Variants in ATP1B3 observed in about 807,000 individuals in gnomAD.
The protein encoded by ATP1B3 is ATPase Na+/K+ transporting subunit beta 3.
In ATP1B3, 10 loss-of-function variants were observed where a neutral mutation model predicts 30.2. The ratio of observed to expected loss-of-function variants is 0.33; its 90% CI spans 0.20 to 0.56. ATP1B3 has a LOEUF of 0.56. Among genes scored for constraint, ATP1B3 ranks in the 20% least tolerant of loss-of-function variants. The pLI, the probability that ATP1B3 is intolerant of heterozygous loss-of-function variation, is 0.90. For missense variants in ATP1B3, 238 were observed against 336.7 expected (o/e 0.71, Z 2.29); for synonymous variants, 113 against 117.0 (o/e 0.97, Z 0.22).
chr3:141,885,304 C>T (rs1933806417), intron 1 of ATP1B3, among the ~76,000 whole-genome samples: 1 of 152,178 alleles, frequency 6.6e-6, no homozygotes, highest in Non-Finnish European at 1.5e-5. Flanking sequence ...TCAAGACACA[C>T]GTTCAGAGGA....
intron 3 of ATP1B3, among the ~76,000 whole-genome samples, chr3:141,913,142 A>G (rs1934394258): frequency 6.6e-6 from 1 of 151,662 alleles, no homozygotes; most frequent in Non-Finnish European, 1.5e-5. Context: ...CCTTCATTGG[A>G]AGTGCTTCTC....
chr3:141,922,263 C>T (rs549668669), intron 6 of ATP1B3, 200 bp downstream of exon 6: 43 of 413,322 alleles, frequency 1.0e-4, no homozygotes, highest in Middle Eastern at 6.8e-4. Context: ...CAAGCAGATA[C>T]GTTAAAGTTA....
chr3:141,900,040 A>AT (rs971607244), intron 1 of ATP1B3, among the ~76,000 whole-genome samples: 22 of 150,268 alleles, frequency 1.5e-4, no homozygotes, highest in Non-Finnish European at 2.4e-4. Context: ...CAAAAAAAAA[A>AT]TTTTTTTTTT....
intron 5 of ATP1B3, chr3:141,916,524 G>A: frequency 3.9e-6 from 5 of 1,284,094 alleles, no homozygotes; most frequent in Non-Finnish European, 5.1e-6. Flanking sequence ...ACTTTCTTTT[G>A]TTTTCTCTCC....
intron 1 of ATP1B3, among the ~76,000 whole-genome samples, chr3:141,891,753 T>C (rs1933958422): frequency 6.6e-6 from 1 of 152,132 alleles, no homozygotes; most frequent in South Asian, 2.1e-4. Context: ...GGGTTTTACT[T>C]TGAGTTCTGC....
At chr3:141,888,729 T>C (rs1307245796) in intron 1 of ATP1B3, among the ~76,000 whole-genome samples, 1 of 152,136 alleles carries the variant, frequency 6.6e-6, no homozygotes, top group Non-Finnish European at 1.5e-5. Flanking sequence ...AGGTCTTTCT[T>C]GTGCTCTTCT....
Position 141,916,098 on chromosome 3 carries a change from C to T in ATP1B3, c.582+78C>T, listed in dbSNP as rs192303297. 12,349 of 1,306,754 alleles carry T rather than the reference C, an allele frequency of 9.5e-3. 76 individuals carry two copies. Among genetic ancestry groups the T allele is most frequent in the Middle Eastern group, 0.024 (99 of 4,202 alleles). The allele number at this position is 1,306,754 out of a possible 1,614,324, so 80.9% of individuals were successfully genotyped here. On this transcript the variant is annotated intron_variant, in intron 5 of 6. Transcript: ENST00000286371. ...TTTAAAAGTCTAATGATTTAGTCAT[C>T]TTTTTTTTCTTCCCTGTCACATTTT...
chr3:141,917,879 T>G (rs1434874710), intron 5 of ATP1B3, among the ~76,000 whole-genome samples: 1 of 151,704 alleles, frequency 6.6e-6, no homozygotes, highest in East Asian at 2.0e-4. Context: ...ACCATTCTCC[T>G]GCCTCAGCCT....
chr3:141,885,265 A>G (rs1468394471), intron 1 of ATP1B3, among the ~76,000 whole-genome samples: 1 of 151,956 alleles, frequency 6.6e-6, no homozygotes, highest in African/African-American at 2.4e-5. Flanking sequence ...ATTTTCTTTG[A>G]CTTGTTTACC....
At chr3:141,891,993 T>C (rs1415114843) in intron 1 of ATP1B3, among the ~76,000 whole-genome samples, 3 of 152,062 alleles carry the variant, frequency 2.0e-5, no homozygotes, top group Admixed American at 6.6e-5. Context: ...AGAGAGTACA[T>C]TTCTTGGTGA....
At chr3:141,886,380 T>C (rs1373767343) in intron 1 of ATP1B3, among the ~76,000 whole-genome samples, 1 of 152,202 alleles carries the variant, frequency 6.6e-6, no homozygotes, top group East Asian at 1.9e-4. Flanking sequence ...CCATAAGCCT[T>C]CTCTGATATG....
chr3:141,878,638 A>G (rs1198379706), intron 1 of ATP1B3, among the ~76,000 whole-genome samples: 1 of 152,230 alleles, frequency 6.6e-6, no homozygotes, highest in East Asian at 1.9e-4. Flanking sequence ...ATGCATTTAA[A>G]TAGATAACAT....
intron 3 of ATP1B3, among the ~76,000 whole-genome samples, chr3:141,910,982 TTC>T (rs1240758719): frequency 6.6e-6 from 1 of 151,842 alleles, no homozygotes; most frequent in Non-Finnish European, 1.5e-5. Context: ...GCCTTTTCTC[TTC>T]TCTGAAAGTT....
At chr3:141,910,782 C>CT (rs1167560088) in intron 3 of ATP1B3, among the ~76,000 whole-genome samples, 1 of 147,700 alleles carries the variant, frequency 6.8e-6, no homozygotes, top group Admixed American at 6.7e-5. Context: ...CCTGCCCCCC[C>CT]CTTTTTTTTA....
At chr3:141,903,843 A>G (rs1440041442) in intron 2 of ATP1B3, 95 bp downstream of exon 2, 3 of 1,433,892 alleles carry the variant, frequency 2.1e-6, no homozygotes, top group African/African-American at 1.4e-5. Flanking sequence ...ATGCAGTGGC[A>G]TGATCTTGGG....
At chr3:141,885,946 G>C (rs1159067118) in intron 1 of ATP1B3, among the ~76,000 whole-genome samples, 1 of 151,224 alleles carries the variant, frequency 6.6e-6, no homozygotes, top group Non-Finnish European at 1.5e-5. Context: ...TGTTGACCCT[G>C]GGGAAAGTGG....
At chr3:141,888,657 G>C (rs943666412) in intron 1 of ATP1B3, among the ~76,000 whole-genome samples, 22 of 152,228 alleles carry the variant, frequency 1.4e-4, no homozygotes, top group Admixed American at 1.2e-3. Flanking sequence ...ATGAATTGTA[G>C]CTCCCATAAT....
intron 1 of ATP1B3, among the ~76,000 whole-genome samples, chr3:141,899,266 GATT>G (rs765139406): frequency 1.4e-4 from 22 of 152,124 alleles, no homozygotes; most frequent in Non-Finnish European, 2.4e-4. Flanking sequence ...ATATACAAAA[GATT>G]ATAAACTTGC....
Position 141,906,210 on chromosome 3 carries a change from C to T in ATP1B3, c.239-957C>T, listed in dbSNP as rs188488698. On this transcript the variant is annotated intron_variant, in intron 2 of 6. Transcript: ENST00000286371. ...TTTTTTTTTTTTTGAGACGAAGTCT[C>T]GCTCTGTCGCCCAGGCTGGAGTGCA... Among the ~76,000 whole-genome samples the T allele has an allele frequency of 6.0e-5, 9 of 150,434 alleles. No individual in the cohort carries two copies. The East Asian group carries it at 1.4e-3, about 23-fold the overall frequency.
Sources: allele counts gnomAD v4.1 joint callset (sites outside exome capture counted in the v4.1 genomes callset), GRCh38; gene constraint gnomAD v4.1.1; transcripts MANE v1.5; gene names NCBI Gene and HGNC (gene_info 2026-07-23, HGNC 2026-07-21).